HSD11B1: variants seen among roughly 807,000 people sequenced by gnomAD.
The protein encoded by HSD11B1 is hydroxysteroid 11-beta dehydrogenase 1.
HSD11B1 carries 15 observed loss-of-function variants against 22.1 expected under a neutral mutation model. That is an observed-to-expected ratio of 0.68 (90% CI 0.45 to 1.04). The LOEUF (loss-of-function observed/expected upper bound fraction) is 1.04. Ranked by LOEUF, HSD11B1 falls within the 50% of genes least tolerant of loss-of-function variation. HSD11B1 has a pLI of 0.00. For missense variants in HSD11B1, 281 were observed against 357.6 expected (o/e 0.79, Z 1.73); for synonymous variants, 122 against 125.2 (o/e 0.97, Z 0.17).
intron 1 of HSD11B1, among the ~76,000 whole-genome samples, chr1:209,699,815 G>T (rs1419153061): frequency 6.6e-6 from 1 of 152,130 alleles, no homozygotes; most frequent in South Asian, 2.1e-4. Context: ...ACAGGTATTG[G>T]GTAAATACAG....
In HSD11B1 at chr1:209,733,010, G is replaced by A. The variant is rs566801568; in HGVS notation, c.661+431G>A. 2.6e-5 allele frequency among the ~76,000 whole-genome samples: 4 copies of A among 152,248 alleles called. No individual in the cohort carries two copies. In the East Asian group the frequency reaches 7.7e-4, roughly 29 times the overall value. Reference sequence around the variant, plus strand: ...ATTTAAAGGCATTTCTGTCACTAGTGGAGGCTCTGGCTACTCTTTGACTCT... The same window carrying A: ...ATTTAAAGGCATTTCTGTCACTAGTAGAGGCTCTGGCTACTCTTTGACTCT... On this transcript the variant is annotated intron_variant, in intron 5 of 5. Transcript: ENST00000367027.
intron 4 of HSD11B1, among the ~76,000 whole-genome samples, chr1:209,725,993 G>A (rs1462819870): frequency 6.6e-6 from 1 of 152,138 alleles, no homozygotes; most frequent in African/African-American, 2.4e-5. Context: ...TCGTTTTTCA[G>A]TAGTCTTTGT....
In HSD11B1 at chr1:209,734,289, C is replaced by T. The variant is rs1052205048; in HGVS notation, c.662-15C>T. The stretch of plus-strand genomic sequence containing the variant: ...CCTAGTCAGATAACCCTACTCTTCC[C>T]TTGTCATTCTATAGAAACAGCCATG... On this transcript the variant is annotated splice_polypyrimidine_tract_variant and intron_variant, in intron 5 of 5. Coordinates refer to ENST00000367027, the MANE Select transcript of HSD11B1 (RefSeq NM_005525.4). 17 of 1,604,230 alleles carry T rather than the reference C, an allele frequency of 1.1e-5. No homozygotes were observed. The highest frequency in any genetic ancestry group is 4.5e-5 in the East Asian group (2 of 44,770).
chr1:209,711,539 A>T (rs1315024136), intron 4 of HSD11B1, among the ~76,000 whole-genome samples: 1 of 152,190 alleles, frequency 6.6e-6, no homozygotes, highest in Non-Finnish European at 1.5e-5. Flanking sequence ...GTAAGCATTT[A>T]CATGAGGGAT....
At chr1:209,714,469 T>C (rs1171666680) in intron 4 of HSD11B1, among the ~76,000 whole-genome samples, 1 of 152,220 alleles carries the variant, frequency 6.6e-6, no homozygotes, top group African/African-American at 2.4e-5. Context: ...AATCAACACA[T>C]TCTTCTTGAA....
At chr1:209,733,162 A>G (rs2077046312) in intron 5 of HSD11B1, among the ~76,000 whole-genome samples, 1 of 152,220 alleles carries the variant, frequency 6.6e-6, no homozygotes, top group Non-Finnish European at 1.5e-5. Context: ...TTATCAAAAT[A>G]CAAGTTTGTG....
At chr1:209,725,894 A>C (rs1223045864) in intron 4 of HSD11B1, among the ~76,000 whole-genome samples, 1 of 152,252 alleles carries the variant, frequency 6.6e-6, no homozygotes, top group Admixed American at 6.5e-5. Flanking sequence ...ATAGCAGGTC[A>C]CAAAATCTGA....
upstream of HSD11B1, among the ~76,000 whole-genome samples, chr1:209,700,562 C>A (rs764773937): frequency 2.6e-5 from 4 of 152,344 alleles, no homozygotes; most frequent in East Asian, 7.7e-4. Flanking sequence ...AGGTCTCTGA[C>A]ATGGCCTGGA....
At chr1:209,689,598 T>C (rs1486583731) in intron 1 of HSD11B1, among the ~76,000 whole-genome samples, 1 of 152,204 alleles carries the variant, frequency 6.6e-6, no homozygotes, top group African/African-American at 2.4e-5. Context: ...CTCATAGTAA[T>C]GAGTGAATTC....
Position 209,705,879 on chromosome 1 carries a change from C to A in HSD11B1, c.157C>A (p.His53Asn). Residue 53 changes from histidine to asparagine, a missense_variant, in exon 2 of 6, where the codon CAT becomes AAT. Physicochemically the swap from His to Asn is moderately conservative, Grantham distance 68. Coordinates refer to ENST00000367027, the MANE Select transcript of HSD11B1 (RefSeq NM_005525.4). ...AGGGATCGGAAGAGAGATGGCTTAT[C>A]ATCTGGCGAAGATGGGAGCCCATGT... ...SKGIGREMAYHLAKMGAHVVV... is the reference protein window; with the variant it reads ...SKGIGREMAYNLAKMGAHVVV... 6.2e-7 allele frequency: 1 copy of A among 1,613,996 alleles called. No individual in the cohort carries two copies. The highest frequency in any genetic ancestry group is 1.1e-5 in the South Asian group (1 of 91,082).
chr1:209,720,170 G>C (rs1345166432), intron 4 of HSD11B1, among the ~76,000 whole-genome samples: 1 of 152,144 alleles, frequency 6.6e-6, no homozygotes, highest in Non-Finnish European at 1.5e-5. Flanking sequence ...ACAGGGAAAA[G>C]AGTAATTTTA....
intron 4 of HSD11B1, among the ~76,000 whole-genome samples, chr1:209,725,333 C>T (rs1185238338): frequency 6.6e-6 from 1 of 152,208 alleles, no homozygotes; most frequent in Admixed American, 6.5e-5. Context: ...TAGCTTCTCA[C>T]TGCCTATCTA....
Position 209,721,423 on chromosome 1 carries a change from G to A in HSD11B1, c.518-11013G>A, listed in dbSNP as rs1489667669. On this transcript the variant is annotated intron_variant, in intron 4 of 5. Transcript: ENST00000367027. ...AGCAGAAAAAAAAAATAGGTTGTGT[G>A]TACTATTCTTGCAACTTTTCTTTAA... is the stretch of plus-strand genomic sequence containing the variant. 4.3e-5 allele frequency among the ~76,000 whole-genome samples: 6 copies of A among 137,946 alleles called. 1 individual carries two copies. The highest frequency in any genetic ancestry group is 8.7e-5 in the African/African-American group (3 of 34,428). 90.5% of individuals were successfully genotyped at this position (137,946 alleles called of 152,430 possible). A position where few individuals can be genotyped will look rare whatever the true frequency, so the allele number is the denominator to read the frequency against.
intron 4 of HSD11B1, among the ~76,000 whole-genome samples, chr1:209,723,285 G>A (rs1266079533): frequency 2.0e-5 from 3 of 151,988 alleles, no homozygotes; most frequent in Non-Finnish European, 4.4e-5. Context: ...TCAGGCTTCC[G>A]ACCCCCTCAA....
At chr1:209,729,915 G>A (rs2077025610) in intron 4 of HSD11B1, among the ~76,000 whole-genome samples, 1 of 152,068 alleles carries the variant, frequency 6.6e-6, no homozygotes, top group South Asian at 2.1e-4. Flanking sequence ...AAAGCATTTG[G>A]TAAAATGCAA....
upstream of HSD11B1, among the ~76,000 whole-genome samples, chr1:209,704,545 C>CCT (rs2076844341): frequency 6.6e-6 from 1 of 152,134 alleles, no homozygotes; most frequent in Non-Finnish European, 1.5e-5. Context: ...TACATGCACT[C>CCT]CTCTCTCTCT....
At chr1:209,687,093 A>G (rs1158425817) in intron 1 of HSD11B1, among the ~76,000 whole-genome samples, 3 of 152,238 alleles carry the variant, frequency 2.0e-5, no homozygotes, top group Non-Finnish European at 4.4e-5. Flanking sequence ...AATAGACCAT[A>G]TCATCCAGAG....
intron 4 of HSD11B1, among the ~76,000 whole-genome samples, chr1:209,709,348 C>A (rs1476163233): frequency 1.3e-5 from 2 of 152,164 alleles, no homozygotes; most frequent in African/African-American, 4.8e-5. Flanking sequence ...CTGGGAACCT[C>A]CTTGTAGTCC....
rs780835852 is a variant in HSD11B1, at chr1:209,705,929, A to G, written c.207A>G (p.Glu69=). The G allele has an allele frequency of 4.6e-5, 74 of 1,613,884 alleles. 1 individual carries two copies. The South Asian group carries it at 7.8e-4, about 17-fold the overall frequency. Residue 69 remains glutamate, a synonymous_variant, in exon 2 of 6, where the codon GAA becomes GAG. Transcript: ENST00000367027. ...AHVVVTARSK[E]TLQKVVSHCL... is the part of the protein sequence containing the mutation. ...TGGTGGTGACAGCGAGGTCAAAAGA[A>G]ACTCTACAGAAGGTGAGGGTTCTAT...
Sources: allele counts gnomAD v4.1 joint callset (sites outside exome capture counted in the v4.1 genomes callset), GRCh38; gene constraint gnomAD v4.1.1; transcripts MANE v1.5; gene names NCBI Gene and HGNC (gene_info 2026-07-23, HGNC 2026-07-21).